Variants in RERE observed in about 807,000 individuals in gnomAD.
RERE encodes the protein arginine-glutamic acid dipeptide repeats protein.
In RERE, 40 loss-of-function variants were observed where a neutral mutation model predicts 146.1. The observed-to-expected ratio is 0.27, with a 90% confidence interval of 0.21 to 0.36. The LOEUF (loss-of-function observed/expected upper bound fraction) is 0.36. RERE is among the 10% of genes least tolerant of loss of function. RERE has a pLI of 1.00. For synonymous variants in RERE, 1,003 were observed against 866.0 expected, an observed-to-expected ratio of 1.16 and a Z score of -2.78; for missense variants, 1,933 against 2,138.7, an observed-to-expected ratio of 0.90 and a Z score of 1.90.
chr1:8,784,743 C>T (rs1641230499), intron 1 of RERE, among the ~76,000 whole-genome samples: 2 of 152,044 alleles, frequency 1.3e-5, no homozygotes, highest in South Asian at 4.2e-4. Flanking sequence ...AAACAAAACC[C>T]CAAAAACACT....
intron 2 of RERE, among the ~76,000 whole-genome samples, chr1:8,638,917 G>T (rs1001913138): frequency 6.6e-6 from 1 of 150,834 alleles, no homozygotes; most frequent in African/African-American, 2.4e-5. Context: ...GGGACTACAG[G>T]CACCCGCCAA....
chr1:8,816,328 T>C (rs946827023), intron 1 of RERE, among the ~76,000 whole-genome samples: 1 of 152,216 alleles, frequency 6.6e-6, no homozygotes, highest in African/African-American at 2.4e-5. Context: ...AAGCAACAGA[T>C]ACTGAAACAT....
intron 4 of RERE, among the ~76,000 whole-genome samples, chr1:8,579,625 G>A (rs919799273): frequency 1.3e-5 from 2 of 152,200 alleles, no homozygotes; most frequent in African/African-American, 4.8e-5. Flanking sequence ...TCATTATCTG[G>A]TAACTATAAC....
chr1:8,440,485 G>A (rs1014760951), intron 11 of RERE, among the ~76,000 whole-genome samples: 1 of 151,706 alleles, frequency 6.6e-6, no homozygotes, highest in Admixed American at 6.6e-5. Flanking sequence ...CAGCTACTCA[G>A]GAGGCTGAGG....
At position 8,358,388 on chromosome 1, in the gene RERE, C is replaced by A. The variant is rs1187759197; in HGVS notation, c.4147G>T (p.Gly1383Cys). The A allele has an allele frequency of 6.2e-7, 1 of 1,607,784 alleles. No individual in the cohort carries two copies. Among genetic ancestry groups the A allele is most frequent in the African/African-American group, 1.3e-5 (1 of 74,860 alleles). The change falls in exon 20 of 23, where the codon GGC becomes TGC. Residue 1383 changes from glycine to cysteine, a missense_variant. By Grantham distance (159) the Gly-to-Cys change is radical. This residue lies in a region of RERE where 1,255 missense variants were observed against 1,153.8 expected (regional missense o/e 1.09). Transcript: ENST00000400908. ...CTCATCTCGGGCCGCAGCTGGGGGC[C>A]CGCCAGGGCCAGTCTCTCCCTCTCC... ...PLERERLALA[G>C]PQLRPEMSYP...
At chr1:8,603,997 A>G (rs1646667351) in intron 4 of RERE, among the ~76,000 whole-genome samples, 1 of 152,084 alleles carries the variant, frequency 6.6e-6, no homozygotes, top group Non-Finnish European at 1.5e-5. Flanking sequence ...GGACAAGATC[A>G]GATCTACTTT....
At position 8,355,531 on chromosome 1, in the gene RERE, C is replaced by A. The variant is rs553849360; in HGVS notation, c.4555G>T (p.Ala1519Ser). ...PPMSAAHQLQ[A>S]MHAQSAELQR... ...AGCTCGGCCGACTGGGCATGCATGG[C>A]CTGCAGCTGGTGGGCTGCTGACATG... The change falls in exon 22 of 23, where the codon GCC (alanine) becomes TCC (serine). Residue 1519 changes from alanine to serine, a missense_variant. Transcript: ENST00000400908. 6.2e-7 allele frequency: 1 copy of A among 1,609,530 alleles called. No homozygotes were observed. The highest frequency in any genetic ancestry group is 1.1e-5 in the South Asian group (1 of 90,834).
intron 1 of RERE, among the ~76,000 whole-genome samples, chr1:8,691,085 A>G (rs1639197162): frequency 6.6e-6 from 1 of 151,926 alleles, no homozygotes; most frequent in Admixed American, 6.6e-5. Context: ...TTTAGTACAG[A>G]CGGGGTTTTA....
rs1380213199 is a variant in RERE at position 8,361,405 on chromosome 1, G to A, written c.2102C>T (p.Pro701Leu). 6.2e-7 allele frequency: 1 copy of A among 1,613,868 alleles called. No homozygotes were observed. The highest frequency in any genetic ancestry group is 2.2e-5 in the East Asian group (1 of 44,868). ...GCGATTGTCCTGGTCGATGTCTTTG[G>A]GGTCACTGCTACCCTCATCGTTGAC... is the stretch of plus-strand genomic sequence containing the variant. ...RSVNDEGSSD[P>L]KDIDQDNRST... The change falls in exon 18 of 23, where the codon CCC becomes CTC. Residue 701 changes from proline to leucine, a missense_variant. Transcript: ENST00000400908.
At chr1:8,492,361 G>T (rs1020578516) in intron 10 of RERE, among the ~76,000 whole-genome samples, 4 of 152,146 alleles carry the variant, frequency 2.6e-5, no homozygotes, top group African/African-American at 7.2e-5. Context: ...TCAAGAAAGT[G>T]CCAAAAATAG....
At chr1:8,776,864 C>T (rs1222192564) in intron 1 of RERE, among the ~76,000 whole-genome samples, 1 of 151,896 alleles carries the variant, frequency 6.6e-6, no homozygotes, top group Non-Finnish European at 1.5e-5. Flanking sequence ...AGAGTGTAGG[C>T]ATGCGCCACC....
At chr1:8,720,551 A>G (rs1639844196) in intron 1 of RERE, among the ~76,000 whole-genome samples, 1 of 152,132 alleles carries the variant, frequency 6.6e-6, no homozygotes. Context: ...GAGAGAGAAC[A>G]AGAACGAGCA....
chr1:8,763,670 G>GT (rs943002179), intron 1 of RERE, among the ~76,000 whole-genome samples: 9 of 152,058 alleles, frequency 5.9e-5, no homozygotes, highest in Admixed American at 2.0e-4. Context: ...ACCGGGCACG[G>GT]TGGCTCATGC....
At chr1:8,482,206 C>G (rs1044263064) in intron 10 of RERE, among the ~76,000 whole-genome samples, 2 of 102,590 alleles carry the variant, frequency 1.9e-5, no homozygotes, top group Non-Finnish European at 3.8e-5. Flanking sequence ...AAATAAAGAA[C>G]CTAATTGGAT....
intron 1 of RERE, among the ~76,000 whole-genome samples, chr1:8,808,961 C>T (rs1489994609): frequency 6.6e-6 from 1 of 151,854 alleles, no homozygotes; most frequent in Admixed American, 6.6e-5. Flanking sequence ...CATGGTGAAA[C>T]CCTGTCTCCA....
In RERE at chr1:8,423,775, G is replaced by A. The variant is rs1643956861; in HGVS notation, c.1204-968C>T. The A allele has an allele frequency of 3.8e-6, 3 of 792,832 alleles. No individual in the cohort carries two copies. Among genetic ancestry groups the A allele is most frequent in the Admixed American group, 6.5e-5 (1 of 15,500 alleles). The allele number at this position is 792,832 out of a possible 1,614,324, so 49.1% of individuals were successfully genotyped here. Reference sequence around the variant, plus strand: ...GGGGCTGGGGCCGCCGCTGACGGGGGAGGAGGCAGGAGCGCGGCGCGCAGA... The same window carrying A: ...GGGGCTGGGGCCGCCGCTGACGGGGAAGGAGGCAGGAGCGCGGCGCGCAGA... On this transcript the variant is annotated intron_variant, in intron 11 of 22. Transcript: ENST00000400908. This position sits in a 1 kb window ranked among gnomAD's most constrained non-coding sequence, Gnocchi z 5.4.
chr1:8,428,818 AACC>A (rs1179263629), intron 11 of RERE, among the ~76,000 whole-genome samples: 2 of 152,198 alleles, frequency 1.3e-5, no homozygotes, highest in Non-Finnish European at 2.9e-5. Context: ...AAATAAAAAT[AACC>A]ACGTCAAAAT....
At chr1:8,656,553 C>G (rs1638320252) in intron 1 of RERE, 112 bp from the exon 2 acceptor site, 1 of 454,518 alleles carries the variant, frequency 2.2e-6, no homozygotes, top group African/African-American at 2.0e-5. Flanking sequence ...AAACTTCGCA[C>G]AAGCCACAGG....
rs35585420 is a variant in RERE, at chr1:8,375,604, G to A, written c.1285-9630C>T. ...CAGCAGCCACTGAAAATGCTTCCTC[G>A]CTCAGCAGCCACTGAAAATGCTTCC... On this transcript the variant is annotated intron_variant, in intron 12 of 22. Transcript: ENST00000400908. 5.3e-3 allele frequency among the ~76,000 whole-genome samples: 478 copies of A among 90,024 alleles called. 167 individuals carry two copies. Among genetic ancestry groups the A allele is most frequent in the Middle Eastern group, 0.02 (3 of 150 alleles). The allele number at this position is 90,024 out of a possible 152,430, so 59.1% of individuals were successfully genotyped here.
Sources: allele counts gnomAD v4.1 joint callset (sites outside exome capture counted in the v4.1 genomes callset), GRCh38; gene constraint gnomAD v4.1.1; regional missense constraint gnomAD v4.1.1; non-coding constraint Gnocchi (gnomAD v3.1); transcripts MANE v1.5; gene names NCBI Gene and HGNC (gene_info 2026-07-23, HGNC 2026-07-21).